DNAH7: variants seen among roughly 807,000 people sequenced by gnomAD.
DNAH7 encodes the protein dynein axonemal heavy chain 7, also known as axonemal beta dynein heavy chain 7.
DNAH7 carries 397 observed loss-of-function variants against 444.6 expected under a neutral mutation model. The observed-to-expected ratio is 0.89, with a 90% CI of 0.82 to 0.97. The LOEUF (loss-of-function observed/expected upper bound fraction) is 0.97. DNAH7 is among the 50% of genes least tolerant of loss of function. The pLI, the probability that DNAH7 is intolerant of heterozygous loss-of-function variation, is 0.00. For synonymous variants in DNAH7, 1,636 were observed against 1,624.4 expected (o/e 1.01, Z -0.17); for missense variants, 4,902 against 4,800.8 (o/e 1.02, Z -0.62).
chr2:195,791,496 G>A (rs1695878216), intron 57 of DNAH7, among the ~76,000 whole-genome samples: 1 of 152,020 alleles, frequency 6.6e-6, no homozygotes, highest in African/African-American at 2.4e-5. Context: ...AAAGCAGTTT[G>A]GAGATTTCTT....
chr2:196,029,893 C>G (rs1411618646), intron 5 of DNAH7, among the ~76,000 whole-genome samples: 2 of 151,678 alleles, frequency 1.3e-5, no homozygotes, highest in Non-Finnish European at 2.9e-5. Context: ...TCAGTAGAAG[C>G]TTTTGGTTCA....
rs779298812 is a variant in DNAH7 at position 196,058,046 on chromosome 2, T to C, written c.78+8A>G. On this transcript the variant is annotated splice_region_variant and intron_variant, in intron 2 of 64. Transcript: ENST00000312428. ...GGAATGAAGTATGATGGTATATTGG[T>C]AAATTACCATAGACAGCTGTGGTAG... 2.0e-6 allele frequency: 3 copies of C among 1,508,090 alleles called. No homozygotes were observed. The highest frequency in any genetic ancestry group is 2.7e-6 in the Non-Finnish European group (3 of 1,124,426). The allele number at this position is 1,508,090 out of a possible 1,614,324, so 93.4% of individuals were successfully genotyped here.
Position 195,999,365 on chromosome 2 carries a change from T to G in DNAH7, c.1353+1339A>C, listed in dbSNP as rs1214429135. 3.5e-5 allele frequency: 22 copies of G among 620,464 alleles called. No individual in the cohort carries two copies. The East Asian group carries it at 6.0e-4, about 17-fold the overall frequency. The allele number at this position is 620,464 out of a possible 1,614,324, so 38.4% of individuals were successfully genotyped here. On this transcript the variant is annotated intron_variant, in intron 12 of 64. Transcript: ENST00000312428. ...GTCTTTGAAATCATTAAGCAAGAAT[T>G]CAGCTAAAAATGGTCCTTGGTCTGC...
rs972450270 is a variant in DNAH7, at chr2:195,990,378, A to G, written c.1354-2149T>C. Among the ~76,000 whole-genome samples, 9 of 152,224 alleles carry G rather than the reference A, an allele frequency of 5.9e-5. No individual in the cohort carries two copies. In the East Asian group the frequency reaches 1.7e-3, roughly 29 times the overall value. On this transcript the variant is annotated intron_variant, in intron 12 of 64. Transcript: ENST00000312428. ...TTGGTGCCTTTGTCAAAAATTAGTTACTGGCTGGACATGGTGGCTCACACC... is the reference window on the plus strand; with the variant it reads ...TTGGTGCCTTTGTCAAAAATTAGTTGCTGGCTGGACATGGTGGCTCACACC...
intron 46 of DNAH7, among the ~76,000 whole-genome samples, chr2:195,849,207 T>C (rs185665351): frequency 1.9e-3 from 284 of 152,360 alleles, no homozygotes; most frequent in African/African-American, 6.3e-3. Context: ...TAAGCTAAAT[T>C]CTGTGTCCTT....
At chr2:195,921,419 A>G (rs1368127321) in intron 24 of DNAH7, among the ~76,000 whole-genome samples, 1 of 151,962 alleles carries the variant, frequency 6.6e-6, no homozygotes, top group East Asian at 1.9e-4. Context: ...CAGCCATAAA[A>G]AGGAAGGAAA....
chr2:195,817,010 A>G, intron 50 of DNAH7, 47 bp from the exon 51 acceptor site: 1 of 1,368,710 alleles, frequency 7.3e-7, no homozygotes, highest in Non-Finnish European at 9.9e-7. Flanking sequence ...GTCATTTAAA[A>G]TCATTTCACG....
At chr2:195,983,486 G>A (rs1361703205) in intron 15 of DNAH7, among the ~76,000 whole-genome samples, 1 of 151,888 alleles carries the variant, frequency 6.6e-6, no homozygotes, top group Non-Finnish European at 1.5e-5. Flanking sequence ...GAAAGGAGGG[G>A]GTGCCAGGCT....
At position 195,771,873 on chromosome 2, in the gene DNAH7, A is replaced by T; in HGVS notation, c.11220T>A (p.Ala3740=). 2.5e-6 allele frequency: 4 copies of T among 1,614,206 alleles called. 1 individual carries two copies. Among genetic ancestry groups the T allele is most frequent in the Non-Finnish European group, 3.4e-6 (4 of 1,180,012 alleles). The part of the protein sequence containing the change: ...ILLTQSRSAG[A]GAKSSDEVVN... ...CTACTTCATCTGATGATTTTGCACC[A>T]GCACCTGCTGAACGAGACTATGAAG... The change falls in exon 61 of 65, where the codon GCT becomes GCA. Residue 3740 remains alanine (A), a synonymous_variant. Transcript: ENST00000312428.
chr2:195,995,253 A>G, intron 12 of DNAH7: 1 of 427,646 alleles, frequency 2.3e-6, no homozygotes, highest in Non-Finnish European at 4.6e-6. Flanking sequence ...AATGAGGGAG[A>G]TGCTTTGAAT....
chr2:195,794,250 G>A, intron 57 of DNAH7, 88 bp downstream of exon 57: 1 of 1,289,722 alleles, frequency 7.8e-7, no homozygotes, highest in East Asian at 2.3e-5. Flanking sequence ...TTAATTTTTA[G>A]TTTTACTCAG....
intron 63 of DNAH7, 43 bp from the exon 64 acceptor site, chr2:195,740,912 C>CAT (rs766750328): frequency 5.0e-6 from 6 of 1,210,852 alleles, no homozygotes; most frequent in Non-Finnish European, 6.7e-6. Context: ...TTGAAATATG[C>CAT]ATTTTGATTG....
intron 47 of DNAH7, among the ~76,000 whole-genome samples, chr2:195,836,864 C>G (rs1698401499): frequency 6.6e-6 from 1 of 152,124 alleles, no homozygotes; most frequent in African/African-American, 2.4e-5. Flanking sequence ...AGCCACAATA[C>G]CTATGTTCAT....
intron 61 of DNAH7, among the ~76,000 whole-genome samples, chr2:195,760,346 C>T (rs2105919641): frequency 6.6e-6 from 1 of 151,766 alleles, no homozygotes; most frequent in African/African-American, 2.4e-5. Context: ...CCCAGGGAAA[C>T]TGACTGCTGT....
chr2:195,844,027 C>T (rs371666326), intron 47 of DNAH7, among the ~76,000 whole-genome samples: 4 of 151,816 alleles, frequency 2.6e-5, no homozygotes, highest in Non-Finnish European at 5.9e-5. Context: ...ACCTGGGAGG[C>T]GGAGCTTGCA....
At chr2:196,051,144 T>G (rs934979918) in intron 3 of DNAH7, 43 bp downstream of exon 3, 16 of 1,559,494 alleles carry the variant, frequency 1.0e-5, no homozygotes, top group Non-Finnish European at 1.4e-5. Flanking sequence ...TAAACATTTT[T>G]TGAAGCACAA....
At chr2:195,962,163 GTTAC>G (rs1691155338) in intron 17 of DNAH7, among the ~76,000 whole-genome samples, 1 of 152,160 alleles carries the variant, frequency 6.6e-6, no homozygotes, top group Admixed American at 6.5e-5. Context: ...GGGTTACGAG[GTTAC>G]TTAAAATTTC....
chr2:195,909,025 G>T (rs1687203024), intron 25 of DNAH7, among the ~76,000 whole-genome samples: 1 of 152,066 alleles, frequency 6.6e-6, no homozygotes, highest in South Asian at 2.1e-4. Context: ...TTTTTAAAAT[G>T]TGCTTTGCAT....
intron 55 of DNAH7, 97 bp from the exon 56 acceptor site, chr2:195,796,834 A>T (rs934977802): frequency 5.3e-6 from 7 of 1,332,008 alleles, no homozygotes; most frequent in Non-Finnish European, 7.0e-6. Flanking sequence ...ATTACAACTT[A>T]ATTGGGTCAC....
Sources: gnomAD v4.1 joint callset for allele counts (sites outside exome capture counted in the v4.1 genomes callset) on GRCh38, gnomAD v4.1.1 for gene constraint, MANE v1.5 for transcripts, NCBI Gene and HGNC (gene_info 2026-07-23, HGNC 2026-07-21) for gene names.